The following COL4A4 variants were observed in gnomAD, a reference collection of about 807,000 sequenced individuals.
The protein encoded by COL4A4 is collagen type IV alpha 4 chain, also known as collagen alpha-4(IV) chain.
COL4A4 carries 105 observed loss-of-function variants against 192.9 expected under a neutral mutation model. That is an observed-to-expected ratio of 0.54 (90% confidence interval 0.46 to 0.64). The LOEUF (loss-of-function observed/expected upper bound fraction) is 0.64, where lower values mean the gene tolerates loss of function less well. COL4A4 is among the 30% of genes least tolerant of loss of function. The probability of loss-of-function intolerance (pLI) is 0.00; values close to 1 mark genes in which losing one functional copy is unlikely to be tolerated. For synonymous variants in COL4A4, 762 were observed against 769.9 expected, an observed-to-expected ratio of 0.99 and a Z score of 0.17; for missense variants, 1,967 against 2,169.3, an observed-to-expected ratio of 0.91 and a Z score of 1.85.
intron 14 of COL4A4, 145 bp from the exon 15 acceptor site, chr2:227,102,993 A>G (rs2060608790): frequency 1.8e-6 from 2 of 1,082,388 alleles, no homozygotes; most frequent in East Asian, 4.7e-5. Context: ...ACTTTAGAAT[A>G]GAAGCTCTAT....
rs1451004625 is a variant in COL4A4 at position 227,004,403 on chromosome 2, C to T, written c.*2922G>A. 6.6e-6 allele frequency: 1 copy of T among 152,240 alleles called. No homozygotes were observed. The highest frequency in any genetic ancestry group is 1.5e-5 in the Non-Finnish European group (1 of 68,076). 9.4% of individuals were successfully genotyped at this position (152,240 alleles called of 1,614,324 possible). A position where few individuals can be genotyped will look rare whatever the true frequency, so the allele number is the denominator to read the frequency against. On this transcript the variant is annotated 3_prime_UTR_variant, in exon 48 of 48. Coordinates refer to ENST00000396625, the MANE Select transcript of COL4A4 (RefSeq NM_000092.5). ...ACAGTTCATCATGACAGGAAATACT[C>T]CTAGAGGGAACCCTCGAACAGTCCC...
At chr2:227,126,654 T>C (rs1192322567) in intron 4 of COL4A4, among the ~76,000 whole-genome samples, 3 of 152,230 alleles carry the variant, frequency 2.0e-5, no homozygotes, top group African/African-American at 7.2e-5. Flanking sequence ...TTTTGCTACA[T>C]GATAAATTTT....
chr2:227,118,889 T>A (rs2061626763), intron 6 of COL4A4, 128 bp from the exon 7 acceptor site: 1 of 723,770 alleles, frequency 1.4e-6, no homozygotes, highest in Non-Finnish European at 2.5e-6. Context: ...TGTGAAACTT[T>A]CTCTTTACCC....
At position 227,089,927 on chromosome 2, in the gene COL4A4, G is replaced by A. The variant is rs1356222440; in HGVS notation, c.1400C>T (p.Pro467Leu). The A allele has an allele frequency of 1.2e-6, 2 of 1,613,528 alleles. No homozygotes were observed. The highest frequency in any genetic ancestry group is 1.3e-5 in the African/African-American group (1 of 74,948). ...VIYCSVGNPG[P>L]QGIKGKVGPP... ...ACCAACTTTGCCTTTTATTCCTTGT[G>A]GTCCGGGGTTCCCAACACTACAGTA... The change falls in exon 21 of 48, where the codon CCA becomes CTA. Residue 467 changes from proline to leucine, a missense_variant. By Grantham distance (98) the Pro-to-Leu change is moderately conservative. Coordinates refer to ENST00000396625, the MANE Select transcript of COL4A4 (RefSeq NM_000092.5).
At chr2:227,024,941 G>T (rs191959897) in intron 43 of COL4A4, among the ~76,000 whole-genome samples, 1 of 152,306 alleles carries the variant, frequency 6.6e-6, no homozygotes, top group African/African-American at 2.4e-5. Context: ...CTCTTGAAAT[G>T]ACTTTATACA....
downstream of COL4A4, chr2:226,998,923 T>C (rs1960222020): frequency 6.6e-6 from 1 of 152,250 alleles, no homozygotes; most frequent in African/African-American, 2.4e-5. Flanking sequence ...TGTGACATTC[T>C]GTGCTGTGCT....
chr2:227,119,897 G>A lies in COL4A4; in HGVS notation c.370C>T (p.Pro124Ser), dbSNP rs1248327412. 2 of 1,585,622 alleles carry A rather than the reference G, an allele frequency of 1.3e-6. No individual in the cohort carries two copies. Among genetic ancestry groups the A allele is most frequent in the South Asian group, 1.2e-5 (1 of 84,806 alleles). Residue 124 changes from proline (P) to serine (S), a missense_variant and splice_region_variant, in exon 6 of 48, where the codon CCT becomes TCT. Physicochemically the swap from Pro to Ser is moderately conservative, Grantham distance 74. Transcript: ENST00000396625. ...GGAGAAAATTTAGGGATACTTACAGGTATGCCATCTAAACCTGGAAATCCA... is the reference window on the plus strand; with the variant it reads ...GGAGAAAATTTAGGGATACTTACAGATATGCCATCTAAACCTGGAAATCCA... ...VPGFPGLDGI[P>S]GHPGPPGPRG...
rs759640112 is a variant in COL4A4, at chr2:227,042,182, C to A, written c.3471G>T (p.Gly1157=). The stretch of plus-strand genomic sequence containing the variant: ...CCGGAGGACCTGGTATCCCTGGATC[C>A]CCCTGGAGGCCTCTTGGCCCAGGGT... ...MGDPGPRGLQ[G]DPGIPGPPGI... The change falls in exon 37 of 48, where the codon GGG becomes GGT. Residue 1157 remains glycine, a synonymous_variant. Transcript: ENST00000396625. The A allele has an allele frequency of 1.2e-5, 19 of 1,612,982 alleles. No homozygotes were observed. In the African/African-American group the frequency reaches 1.7e-4, roughly 15 times the overall value.
intron 13 of COL4A4, 64 bp from the exon 14 acceptor site, chr2:227,103,261 C>A: frequency 8.1e-7 from 1 of 1,229,690 alleles, no homozygotes; most frequent in Non-Finnish European, 1.2e-6. Flanking sequence ...ATTCCATCTC[C>A]TTCAGAAATC....
At chr2:227,138,507 C>T (rs2125268162) in intron 4 of COL4A4, among the ~76,000 whole-genome samples, 1 of 152,050 alleles carries the variant, frequency 6.6e-6, no homozygotes, top group Admixed American at 6.5e-5. Context: ...GTGGCGGGCG[C>T]CTGTAGTCCC....
At chr2:227,117,799 A>G (rs562157995) in intron 7 of COL4A4, among the ~76,000 whole-genome samples, 6 of 129,702 alleles carry the variant, frequency 4.6e-5, no homozygotes, top group East Asian at 2.1e-4. Context: ...AATTCTGAAG[A>G]AAAAAAAAGC....
At chr2:227,094,947 A>T (rs1576462325) in intron 19 of COL4A4, among the ~76,000 whole-genome samples, 1 of 152,250 alleles carries the variant, frequency 6.6e-6, no homozygotes, top group African/African-American at 2.4e-5. Flanking sequence ...AGAACAGATT[A>T]CTAGCCGTAA....
chr2:227,110,913 C>T (rs1300925929), intron 9 of COL4A4, among the ~76,000 whole-genome samples: 1 of 151,842 alleles, frequency 6.6e-6, no homozygotes, highest in Non-Finnish European at 1.5e-5. Context: ...AACTCCTGAC[C>T]TCGTGATCCA....
At chr2:227,060,752 G>C (rs904962949) in intron 26 of COL4A4, among the ~76,000 whole-genome samples, 2 of 145,192 alleles carry the variant, frequency 1.4e-5, no homozygotes, top group African/African-American at 5.1e-5. Context: ...TTTTGAGACA[G>C]AGTCTTGCTT....
Position 227,054,581 on chromosome 2 carries a change from G to A in COL4A4, c.2860+13C>T, listed in dbSNP as rs374807397. On this transcript the variant is annotated intron_variant, in intron 31 of 47. Coordinates refer to ENST00000396625, the MANE Select transcript of COL4A4 (RefSeq NM_000092.5). The stretch of plus-strand genomic sequence containing the variant: ...AGAAACAAATGCATGTTGCATGGCT[G>A]TATTTTATTTACCTTTGGCCCCTCT... 106 of 1,614,002 alleles carry A rather than the reference G, an allele frequency of 6.6e-5. No individual in the cohort carries two copies. Among genetic ancestry groups the A allele is most frequent in the African/African-American group, 2.5e-4 (19 of 75,038 alleles).
At chr2:227,112,161 C>T (rs1462058151) in intron 8 of COL4A4, among the ~76,000 whole-genome samples, 1 of 152,184 alleles carries the variant, frequency 6.6e-6, no homozygotes, top group East Asian at 1.9e-4. Flanking sequence ...CCTTGTGACT[C>T]TGTGCTGAGA....
Position 227,126,517 on chromosome 2 carries a change from C to A in COL4A4, c.193-5369G>T, listed in dbSNP as rs539759075. 2.6e-5 allele frequency among the ~76,000 whole-genome samples: 4 copies of A among 152,278 alleles called. No homozygotes were observed. In the East Asian group the frequency reaches 7.7e-4, roughly 29 times the overall value. ...GGTGTTGTTATGCCTTTATTTCAAC[C>A]ATATGCAATGGCAAACACTACCCCT... On this transcript the variant is annotated intron_variant, in intron 4 of 47. Transcript: ENST00000396625.
At chr2:227,151,202 G>A (rs2063918578) in intron 1 of COL4A4, among the ~76,000 whole-genome samples, 1 of 151,834 alleles carries the variant, frequency 6.6e-6, no homozygotes, top group Non-Finnish European at 1.5e-5. Flanking sequence ...AAAATATATT[G>A]ATCACATTAT....
At chr2:226,968,458 G>A in the COL4A4 span, among the ~76,000 whole-genome samples, 41 of 152,134 alleles carry the variant, frequency 2.7e-4, no homozygotes, top group Admixed American at 2.6e-4. Context: ...CCTTTTAACC[G>A]ATTGAATCAG....
Sources: allele counts gnomAD v4.1 joint callset (sites outside exome capture counted in the v4.1 genomes callset), GRCh38; gene constraint gnomAD v4.1.1; transcripts MANE v1.5; gene names NCBI Gene and HGNC (gene_info 2026-07-23, HGNC 2026-07-21).